The following LDHA variants were observed in gnomAD, a reference collection of about 807,000 sequenced individuals.
The protein encoded by LDHA is L-lactate dehydrogenase A chain.
Under a neutral mutation model 36.3 loss-of-function variants are expected in LDHA, and 10 were observed. The ratio of observed to expected loss-of-function variants is 0.28; its 90% CI spans 0.17 to 0.47. The LOEUF (loss-of-function observed/expected upper bound fraction) is 0.47. Among genes scored for constraint, LDHA ranks in the 20% least tolerant of loss-of-function variants. LDHA has a pLI of 0.99. For missense variants in LDHA, 267 were observed against 405.8 expected (o/e 0.66, Z 2.94); for synonymous variants, 110 against 136.7 (o/e 0.80, Z 1.36).
intron 7 of LDHA, among the ~76,000 whole-genome samples, chr11:18,406,455 A>G (rs1866685899): frequency 6.7e-6 from 1 of 148,328 alleles, no homozygotes; most frequent in African/African-American, 2.5e-5. Context: ...CGGGCAGCTG[A>G]TGCCTGTAAT....
At chr11:18,400,764 G>A in intron 3 of LDHA, 73 bp from the exon 4 acceptor site, 2 of 1,164,260 alleles carry the variant, frequency 1.7e-6, no homozygotes, top group African/African-American at 3.0e-5. Flanking sequence ...AGCATTTATG[G>A]AACAAATTTT....
intron 1 of LDHA, 193 bp downstream of exon 1, chr11:18,394,829 C>T (rs762048187): frequency 3.5e-4 from 126 of 356,970 alleles, no homozygotes; most frequent in Non-Finnish European, 6.6e-4. Flanking sequence ...GCTCGCCGCG[C>T]TCTGCTTTTG....
intron 3 of LDHA, chr11:18,399,858 G>A: frequency 3.0e-6 from 1 of 337,570 alleles, no homozygotes; most frequent in Admixed American, 4.1e-5. Context: ...GCCTTCCGAA[G>A]TACTGGGATT....
intron 7 of LDHA, chr11:18,405,820 T>G: frequency 2.5e-6 from 1 of 396,028 alleles, no homozygotes; most frequent in Non-Finnish European, 4.6e-6. Context: ...CTGAGGTAGG[T>G]GGAAGACTAT....
At position 18,401,473 on chromosome 11, in the gene LDHA, CTTTTTTTTTTT is replaced by C. The variant is rs58157049; in HGVS notation, c.418+475_418+485del. ...CATATTTATTGATTCATTTATTTTT[CTTTTTTTTTTT>C]TTTTTTTTTTTGAGACGGAGTCTTG... On this transcript the variant is annotated intron_variant, in intron 4 of 7. Coordinates refer to ENST00000422447, the MANE Select transcript of LDHA (RefSeq NM_005566.4). 3.7e-3 allele frequency among the ~76,000 whole-genome samples: 255 copies of C among 68,608 alleles called. 2 individuals are homozygous for C. Among genetic ancestry groups the C allele is most frequent in the Middle Eastern group, 0.016 (1 of 62 alleles). The allele number at this position is 68,608 out of a possible 152,430, so 45.0% of individuals were successfully genotyped here.
At chr11:18,396,278 T>C in intron 1 of LDHA, 1 of 360,520 alleles carries the variant, frequency 2.8e-6, no homozygotes, top group Non-Finnish European at 5.0e-6. Context: ...GGGCGGGGCG[T>C]AAAAGCCGGG....
intron 6 of LDHA, among the ~76,000 whole-genome samples, chr11:18,404,733 G>T (rs913163332): frequency 3.3e-5 from 5 of 150,254 alleles, no homozygotes; most frequent in Non-Finnish European, 5.9e-5. Context: ...GCATGAACCC[G>T]GTAGTTGGAG....
chr11:18,396,209 G>T (rs1327145139), intron 1 of LDHA: 5 of 261,930 alleles, frequency 1.9e-5, no homozygotes, highest in Non-Finnish European at 3.6e-5. Context: ...TTCGCCCTGC[G>T]CGCTGTAATG....
At chr11:18,401,955 C>CTCTTTTTT (rs59534512) in intron 4 of LDHA, among the ~76,000 whole-genome samples, 1 of 52,256 alleles carries the variant, frequency 1.9e-5, no homozygotes, top group African/African-American at 6.1e-5. Flanking sequence ...TTGTTATTCT[C>CTCTTTTTT]TTTTTTTTTT....
Position 18,404,801 on chromosome 11 carries a change from C to CG in LDHA, c.711-648_711-647insG, listed in dbSNP as rs200791480. ...CCAGCCTGGGCGACAGAGCGAGACT[C>CG]CGTCTCAAAAAAAAAAGAATCATAA... On this transcript the variant is annotated intron_variant, in intron 6 of 7. Transcript: ENST00000422447. 0.011 allele frequency among the ~76,000 whole-genome samples: 285 copies of CG among 26,094 alleles called. 3 individuals are homozygous for CG. The East Asian group carries it at 0.17, about 15-fold the overall frequency. 17.1% of individuals were successfully genotyped at this position (26,094 alleles called of 152,430 possible).
At chr11:18,405,187 T>G (rs1349381854) in intron 6 of LDHA, among the ~76,000 whole-genome samples, 1 of 152,232 alleles carries the variant, frequency 6.6e-6, no homozygotes, top group African/African-American at 2.4e-5. Context: ...TAATATTCCA[T>G]TGTATCAGTA....
At chr11:18,405,641 GAA>G in intron 7 of LDHA, 69 bp downstream of exon 7, 1 of 1,524,042 alleles carries the variant, frequency 6.6e-7, no homozygotes, top group Non-Finnish European at 9.1e-7. Context: ...ATTCTTCTGA[GAA>G]AGATTAATAC....
At chr11:18,406,043 G>A (rs980911239) in intron 7 of LDHA, among the ~76,000 whole-genome samples, 15 of 152,204 alleles carry the variant, frequency 9.9e-5, no homozygotes, top group African/African-American at 3.6e-4. Flanking sequence ...TCGGCTCACC[G>A]CAACCTCTGC....
intron 5 of LDHA, 62 bp downstream of exon 5, chr11:18,403,075 ATAT>A (rs1866561929): frequency 2.2e-6 from 3 of 1,358,452 alleles, no homozygotes; most frequent in Non-Finnish European, 2.1e-6. Context: ...GATGGGCATT[ATAT>A]TATTCAATTA....
intron 1 of LDHA, chr11:18,396,370 G>A (rs1866300984): frequency 5.0e-6 from 2 of 398,670 alleles, no homozygotes; most frequent in East Asian, 7.1e-5. Flanking sequence ...GCATGCGCGC[G>A]GATCACCGCA....
chr11:18,407,651 C>T lies in LDHA; in HGVS notation c.*370C>T. The T allele has an allele frequency of 1.7e-6, 1 of 581,682 alleles. No homozygotes were observed. Among genetic ancestry groups the T allele is most frequent in the Non-Finnish European group, 3.2e-6 (1 of 310,112 alleles). The allele number at this position is 581,682 out of a possible 1,614,324, so 36.0% of individuals were successfully genotyped here. A position where few individuals can be genotyped will look rare whatever the true frequency, so the allele number is the denominator to read the frequency against. On this transcript the variant is annotated 3_prime_UTR_variant, in exon 8 of 8. Coordinates refer to ENST00000422447, the MANE Select transcript of LDHA (RefSeq NM_005566.4). ...ACATGCCTAGTCCAACATTTTTTCC[C>T]AGTGAGTCACATCCTGGGATCCAGT...
rs1184289543 is a variant in LDHA, at chr11:18,405,534, A to C, written c.796A>C (p.Asn266His). 6 of 1,613,940 alleles carry C rather than the reference A, an allele frequency of 3.7e-6. No homozygotes were observed. The African/African-American group carries it at 4.0e-5, about 11-fold the overall frequency. The change falls in exon 7 of 8, where the codon AAT (asparagine) becomes CAT (histidine). Residue 266 changes from asparagine to histidine, a missense_variant. By Grantham distance (68) the Asn-to-His change is moderately conservative. Transcript: ENST00000422447. Reference protein sequence around the residue: ...VADLAESIMKNLRRVHPVSTM... With the variant: ...VADLAESIMKHLRRVHPVSTM... ...AGATTTGGCAGAGAGTATAATGAAG[A>C]ATCTTAGGCGGGTGCACCCAGTTTC...
intron 1 of LDHA, chr11:18,396,423 T>A: frequency 2.3e-6 from 1 of 432,648 alleles, no homozygotes; most frequent in Non-Finnish European, 3.9e-6. Flanking sequence ...AGTTAATGGC[T>A]TTTCTGCACG....
chr11:18,394,997 A>G, intron 1 of LDHA: 1 of 224,158 alleles, frequency 4.5e-6, no homozygotes, highest in Non-Finnish European at 9.2e-6. Context: ...GCGGTGCAAA[A>G]CTCGAGGTCC....
Sources: allele counts gnomAD v4.1 joint callset (sites outside exome capture counted in the v4.1 genomes callset), GRCh38; gene constraint gnomAD v4.1.1; transcripts MANE v1.5; gene names NCBI Gene and HGNC (gene_info 2026-07-23, HGNC 2026-07-21).